The following THSD7B variants were observed in gnomAD, a reference collection of about 807,000 sequenced individuals.
The protein encoded by THSD7B is thrombospondin type-1 domain-containing protein 7B.
THSD7B carries 138 observed loss-of-function variants against 213.6 expected under a neutral mutation model. The observed-to-expected ratio is 0.65, with a 90% confidence interval of 0.56 to 0.74. The LOEUF is 0.74. Ranked by LOEUF, THSD7B falls within the 30% of genes least tolerant of loss-of-function variation. THSD7B has a pLI of 0.00. For missense variants in THSD7B, 1,931 were observed against 1,991.5 expected (o/e 0.97, Z 0.58); for synonymous variants, 742 against 687.0 (o/e 1.08, Z -1.25).
At chr2:137,671,690 T>C (rs963975014) in intron 27 of THSD7B, among the ~76,000 whole-genome samples, 2 of 152,142 alleles carry the variant, frequency 1.3e-5, no homozygotes, top group Admixed American at 1.3e-4. Context: ...CCACCTAGTT[T>C]CTCTCTTCAC....
chr2:137,196,113 G>T (rs1023135519), intron 7 of THSD7B, among the ~76,000 whole-genome samples: 2 of 152,200 alleles, frequency 1.3e-5, no homozygotes, highest in African/African-American at 4.8e-5. Flanking sequence ...TTGTACTGGA[G>T]CAGTGCCTTC....
chr2:136,783,506 C>G (rs1317445512), intron 1 of THSD7B, among the ~76,000 whole-genome samples: 1 of 151,948 alleles, frequency 6.6e-6, no homozygotes, highest in Non-Finnish European at 1.5e-5. Flanking sequence ...AAGGAGAGAC[C>G]AATGAAGGAG....
rs61679077 is a variant in THSD7B, at chr2:136,804,438, A to ACACACACACC, written c.-36+38752_-36+38753insACACACACCC. On this transcript the variant is annotated intron_variant, in intron 1 of 27. Coordinates refer to ENST00000409968, the MANE Select transcript of THSD7B (RefSeq NM_001316349.2). Reference sequence around the variant, plus strand: ...CACACACACACACACACACACACACACCCTTACCCTTGTGTGTTTTACATT... The same window carrying ACACACACACC: ...CACACACACACACACACACACACACACACACACACCCCCTTACCCTTGTGTGTTTTACATT... Among the ~76,000 whole-genome samples, 1,361 of 138,642 alleles carry ACACACACACC rather than the reference A, an allele frequency of 9.8e-3. 8 individuals are homozygous for ACACACACACC. Among genetic ancestry groups the ACACACACACC allele is most frequent in the Middle Eastern group, 0.029 (8 of 274 alleles). The allele number at this position is 138,642 out of a possible 152,430, so 91.0% of individuals were successfully genotyped here. A position where few individuals can be genotyped will look rare whatever the true frequency, so the allele number is the denominator to read the frequency against.
intron 2 of THSD7B, among the ~76,000 whole-genome samples, chr2:137,017,850 T>G (rs545050139): frequency 1.3e-5 from 2 of 152,334 alleles, no homozygotes; most frequent in South Asian, 4.1e-4. Flanking sequence ...CTGTTGTTCT[T>G]TAAATTCTGA....
At chr2:136,810,467 C>A (rs903625356) in intron 1 of THSD7B, among the ~76,000 whole-genome samples, 4 of 152,196 alleles carry the variant, frequency 2.6e-5, no homozygotes, top group Non-Finnish European at 5.9e-5. Context: ...ATCTCCCTCT[C>A]CCCACTGCAG....
intron 12 of THSD7B, among the ~76,000 whole-genome samples, chr2:137,325,789 A>G (rs1684361766): frequency 6.6e-6 from 1 of 152,232 alleles, no homozygotes; most frequent in Non-Finnish European, 1.5e-5. Flanking sequence ...AAATTATTCT[A>G]CTACGCAGAA....
At chr2:137,675,777 G>T (rs1683686751) in intron 27 of THSD7B, among the ~76,000 whole-genome samples, 1 of 152,072 alleles carries the variant, frequency 6.6e-6, no homozygotes, top group Admixed American at 6.5e-5. Context: ...AAGACCTTGA[G>T]GAGAGAGGAT....
intron 12 of THSD7B, among the ~76,000 whole-genome samples, chr2:137,329,537 C>T (rs988875396): frequency 2.6e-5 from 4 of 152,026 alleles, no homozygotes; most frequent in Non-Finnish European, 5.9e-5. Flanking sequence ...AATTAATTTT[C>T]TGTATTTTCA....
At chr2:136,792,455 C>T (rs982739375) in intron 1 of THSD7B, among the ~76,000 whole-genome samples, 1 of 151,964 alleles carries the variant, frequency 6.6e-6, no homozygotes. Context: ...TGCCATCGTA[C>T]ATTTGTCAAA....
chr2:137,416,864 A>G (rs922291060), intron 14 of THSD7B, among the ~76,000 whole-genome samples: 6 of 152,234 alleles, frequency 3.9e-5, no homozygotes, highest in Non-Finnish European at 7.3e-5. Context: ...CTAGTGGATA[A>G]GCAATGTTTT....
chr2:137,114,330 G>A (rs1688406954), intron 4 of THSD7B, among the ~76,000 whole-genome samples: 1 of 152,164 alleles, frequency 6.6e-6, no homozygotes, highest in Non-Finnish European at 1.5e-5. Flanking sequence ...ATCCACAAAA[G>A]GAAATTCTGC....
rs1398950752 is a variant in THSD7B at position 137,395,804 on chromosome 2, TG to T, written c.2501-9807del. On this transcript the variant is annotated intron_variant, in intron 12 of 27. Transcript: ENST00000409968. ...AATCCATCTGGTCCTGGACTCTTTTTGGTTGGTAAACTATTGATTATTGCCA... is the reference window on the plus strand; with the variant it reads ...AATCCATCTGGTCCTGGACTCTTTTTGTTGGTAAACTATTGATTATTGCCA... 2.6e-5 allele frequency among the ~76,000 whole-genome samples: 4 copies of T among 151,326 alleles called. No individual in the cohort carries two copies. The South Asian group carries it at 8.4e-4, about 32-fold the overall frequency.
chr2:136,779,194 ATATATGTG>A (rs1399960640), intron 1 of THSD7B, among the ~76,000 whole-genome samples: 212 of 76,680 alleles, frequency 2.8e-3, no homozygotes, highest in African/African-American at 0.01. Context: ...GGCTATATAT[ATATATGTG>A]TGTGTGTGTG....
At chr2:137,545,805 A>G (rs1002300224) in intron 15 of THSD7B, among the ~76,000 whole-genome samples, 2 of 151,796 alleles carry the variant, frequency 1.3e-5, no homozygotes, top group African/African-American at 4.8e-5. Flanking sequence ...AAAGGTGTGC[A>G]AGACATGGTC....
At chr2:137,149,355 G>A (rs1479986487) in intron 5 of THSD7B, among the ~76,000 whole-genome samples, 1 of 108,758 alleles carries the variant, frequency 9.2e-6, no homozygotes, top group African/African-American at 3.7e-5. Flanking sequence ...TATGGGGTTG[G>A]AGTTCCCACA....
intron 2 of THSD7B, among the ~76,000 whole-genome samples, chr2:136,929,709 C>T (rs547008216): frequency 6.6e-6 from 1 of 152,258 alleles, no homozygotes; most frequent in South Asian, 2.1e-4. Context: ...GAGGTAGGTG[C>T]TGGTGTCCAC....
chr2:137,204,683 C>G (rs1382983921), intron 7 of THSD7B, among the ~76,000 whole-genome samples: 1 of 152,074 alleles, frequency 6.6e-6, no homozygotes, highest in Admixed American at 6.6e-5. Flanking sequence ...TTATTTTAAT[C>G]TATAAGTGGC....
At chr2:137,574,606 T>C (rs1459532646) in intron 17 of THSD7B, among the ~76,000 whole-genome samples, 1 of 152,176 alleles carries the variant, frequency 6.6e-6, no homozygotes, top group African/African-American at 2.4e-5. Flanking sequence ...CTCAGGTCTG[T>C]CTGACCACAA....
At chr2:136,943,577 C>T (rs576002488) in intron 2 of THSD7B, among the ~76,000 whole-genome samples, 1 of 152,260 alleles carries the variant, frequency 6.6e-6, no homozygotes, top group South Asian at 2.1e-4. Context: ...TTGGTCTATT[C>T]AGAGATTCCA....
Sources: allele counts gnomAD v4.1 joint callset (sites outside exome capture counted in the v4.1 genomes callset), GRCh38; gene constraint gnomAD v4.1.1; transcripts MANE v1.5; gene names NCBI Gene and HGNC (gene_info 2026-07-23, HGNC 2026-07-21).